SNX29: variants seen among roughly 807,000 people sequenced by gnomAD.
SNX29 encodes sorting nexin-29.
A neutral mutation model predicts 102.1 loss-of-function variants in SNX29; 78 were observed. That is an observed-to-expected ratio of 0.76 (90% confidence interval 0.64 to 0.92). SNX29 has a LOEUF of 0.92. Among genes scored for constraint, SNX29 ranks in the 40% least tolerant of loss-of-function variants. The pLI is 0.00. For missense variants in SNX29, 1,280 were observed against 1,061.7 expected (o/e 1.21, Z -2.86); for synonymous variants, 580 against 414.5 (o/e 1.40, Z -4.85).
At position 12,339,901 on chromosome 16, in the gene SNX29, C is replaced by T. The variant is rs188856569; in HGVS notation, c.1783-16262C>T. On this transcript the variant is annotated intron_variant, in intron 15 of 20. Transcript: ENST00000566228. ...GCACGTGGCCAACAGTCAGTGGGGGCGTTTGGTCAGCTTCCCCAGATCACT... is the reference window on the plus strand; with the variant it reads ...GCACGTGGCCAACAGTCAGTGGGGGTGTTTGGTCAGCTTCCCCAGATCACT... Among the ~76,000 whole-genome samples, 385 of 152,208 alleles carry T rather than the reference C, an allele frequency of 2.5e-3. 3 individuals carry two copies. Among genetic ancestry groups the T allele is most frequent in the East Asian group, 0.012 (64 of 5,166 alleles).
At chr16:12,368,181 C>G (rs1466959117) in intron 16 of SNX29, among the ~76,000 whole-genome samples, 1 of 152,204 alleles carries the variant, frequency 6.6e-6, no homozygotes, top group Non-Finnish European at 1.5e-5. Flanking sequence ...CCCCTGGGGA[C>G]CCATGAGGGG....
intron 17 of SNX29, 65 bp from the exon 18 acceptor site, chr16:12,403,378 CTTTTT>C (rs112550429): frequency 1.4e-6 from 2 of 1,478,262 alleles, no homozygotes; most frequent in Admixed American, 4.0e-5. Flanking sequence ...CTCCTTTCCT[CTTTTT>C]TATTTTTTAT....
intron 11 of SNX29, among the ~76,000 whole-genome samples, chr16:12,110,119 A>T (rs1314103413): frequency 2.0e-5 from 3 of 152,190 alleles, no homozygotes; most frequent in Non-Finnish European, 1.5e-5. Context: ...TGGACCTGTC[A>T]CTGGATGCTG....
At chr16:12,522,369 G>A (rs2090135021) in intron 19 of SNX29, among the ~76,000 whole-genome samples, 1 of 152,098 alleles carries the variant, frequency 6.6e-6, no homozygotes, top group Non-Finnish European at 1.5e-5. Context: ...GCCATGCTCG[G>A]GGCCTTGGCA....
At chr16:12,548,895 C>G (rs1200106393) in intron 20 of SNX29, among the ~76,000 whole-genome samples, 1 of 152,218 alleles carries the variant, frequency 6.6e-6, no homozygotes, top group African/African-American at 2.4e-5. Flanking sequence ...CACATAGCAG[C>G]ACTCACTCGG....
intron 20 of SNX29, among the ~76,000 whole-genome samples, chr16:12,567,947 A>C (rs1214955165): frequency 6.6e-6 from 1 of 152,194 alleles, no homozygotes. Context: ...CTTCAGAACC[A>C]GGATCAGTGT....
chr16:12,401,698 C>T lies in SNX29; in HGVS notation c.1956-1750C>T, dbSNP rs142777135. On this transcript the variant is annotated intron_variant, in intron 17 of 20. Transcript: ENST00000566228. Reference sequence around the variant, plus strand: ...GTAAATTTTATGGAGATTTGTCTCTCTCCCATGTTAAAACTGAATGCTCCA... The same window carrying T: ...GTAAATTTTATGGAGATTTGTCTCTTTCCCATGTTAAAACTGAATGCTCCA... Among the ~76,000 whole-genome samples, 36 of 152,254 alleles carry T rather than the reference C, an allele frequency of 2.4e-4. 1 individual carries two copies. In the East Asian group the frequency reaches 7.0e-3, roughly 29 times the overall value.
At chr16:12,228,328 C>T (rs985013386) in intron 14 of SNX29, among the ~76,000 whole-genome samples, 2 of 152,202 alleles carry the variant, frequency 1.3e-5, no homozygotes, top group African/African-American at 4.8e-5. Flanking sequence ...TGATCCCTGT[C>T]TAAACTTCCA....
chr16:12,084,751 A>G (rs974870585), intron 11 of SNX29, among the ~76,000 whole-genome samples: 5 of 152,168 alleles, frequency 3.3e-5, no homozygotes, highest in Non-Finnish European at 7.3e-5. Context: ...ATGTGCTTAG[A>G]ACAGCATCAG....
intron 20 of SNX29, among the ~76,000 whole-genome samples, chr16:12,565,629 A>G (rs946728405): frequency 6.6e-6 from 1 of 152,206 alleles, no homozygotes. Flanking sequence ...CCAGGCACAG[A>G]CATGTGACAC....
chr16:12,175,537 G>C (rs112128169), intron 13 of SNX29, among the ~76,000 whole-genome samples: 2,711 of 152,126 alleles, frequency 0.018, 80 homozygotes, highest in African/African-American at 0.062. Flanking sequence ...TGTAATCCCA[G>C]CTACTTGAGA....
rs564700871 is a variant in SNX29 at position 12,492,950 on chromosome 16, G to A, written c.2178+15091G>A. ...TTACTGTAGCCTTGTAGTATAGTTT[G>A]AAGTCAGGTAGGGTGATGCCTCCAG... is the stretch of plus-strand genomic sequence containing the variant. On this transcript the variant is annotated intron_variant, in intron 19 of 20. Transcript: ENST00000566228. 7.4e-4 allele frequency among the ~76,000 whole-genome samples: 113 copies of A among 152,360 alleles called. 1 individual carries two copies. Among genetic ancestry groups the A allele is most frequent in the South Asian group, 2.1e-3 (10 of 4,832 alleles).
intron 8 of SNX29, among the ~76,000 whole-genome samples, chr16:12,060,574 G>C (rs1162799520): frequency 6.6e-6 from 1 of 152,226 alleles, no homozygotes; most frequent in East Asian, 1.9e-4. Flanking sequence ...CTGTACTCCA[G>C]TGTGGACAAC....
At chr16:12,192,352 G>C (rs183568122) in intron 13 of SNX29, among the ~76,000 whole-genome samples, 1 of 152,170 alleles carries the variant, frequency 6.6e-6, no homozygotes, top group African/African-American at 2.4e-5. Flanking sequence ...GTCTCCATGT[G>C]CACGGCTACC....
At chr16:12,251,863 A>T (rs1221190485) in intron 14 of SNX29, among the ~76,000 whole-genome samples, 1 of 152,030 alleles carries the variant, frequency 6.6e-6, no homozygotes, top group Non-Finnish European at 1.5e-5. Flanking sequence ...GGACTCAGGC[A>T]GTCCTCTTGA....
At chr16:12,547,013 G>A (rs1042836189) in intron 20 of SNX29, among the ~76,000 whole-genome samples, 3 of 151,880 alleles carry the variant, frequency 2.0e-5, no homozygotes, top group Non-Finnish European at 4.4e-5. Flanking sequence ...GATCCTGATA[G>A]TTCAACAGCA....
chr16:12,542,029 CTTT>C (rs993726374), intron 20 of SNX29, among the ~76,000 whole-genome samples: 3 of 152,058 alleles, frequency 2.0e-5, no homozygotes, highest in Non-Finnish European at 4.4e-5. Context: ...TCTGTTTTTT[CTTT>C]TTTTAATTAG....
rs572208116 is a variant in SNX29 at position 12,494,114 on chromosome 16, C to G, written c.2178+16255C>G. Among the ~76,000 whole-genome samples, 532 of 152,264 alleles carry G rather than the reference C, an allele frequency of 3.5e-3. 3 individuals carry two copies. The highest frequency in any genetic ancestry group is 0.012 in the African/African-American group (489 of 41,538). ...AGAGCTCCCAGTGCTATGCGAGGCT[C>G]AGGTGGGAAGATCCCTTGATGCCCG... On this transcript the variant is annotated intron_variant, in intron 19 of 20. Coordinates refer to ENST00000566228, the MANE Select transcript of SNX29 (RefSeq NM_032167.5).
chr16:12,559,747 C>G (rs1053308903), intron 20 of SNX29, among the ~76,000 whole-genome samples: 6 of 152,130 alleles, frequency 3.9e-5, no homozygotes, highest in South Asian at 4.1e-4. Context: ...TAGTGATGCC[C>G]AGCCTGACAG....
Sources: gnomAD v4.1 joint callset for allele counts (sites outside exome capture counted in the v4.1 genomes callset) on GRCh38, gnomAD v4.1.1 for gene constraint, MANE v1.5 for transcripts, NCBI Gene and HGNC (gene_info 2026-07-23, HGNC 2026-07-21) for gene names.